The following TAFA5 variants were observed in gnomAD, a reference collection of about 807,000 sequenced individuals.
TAFA5 encodes TAFA chemokine like family member 5, also known as chemokine-like protein TAFA-5.
TAFA5 carries 6 observed loss-of-function variants against 15.3 expected under a neutral mutation model. That is an observed-to-expected ratio of 0.39 (90% CI 0.21 to 0.77). The LOEUF (loss-of-function observed/expected upper bound fraction) is 0.77, where lower values mean the gene tolerates loss of function less well. TAFA5 is among the 30% of genes least tolerant of loss of function. The probability of loss-of-function intolerance (pLI) is 0.41; values close to 1 mark genes in which losing one functional copy is unlikely to be tolerated. For synonymous variants in TAFA5, 103 were observed against 80.7 expected (o/e 1.28, Z -1.48); for missense variants, 161 against 193.1 (o/e 0.83, Z 0.98).
chr22:48,718,782 G>T (rs143698123), intron 3 of TAFA5, among the ~76,000 whole-genome samples: 1 of 151,866 alleles, frequency 6.6e-6, no homozygotes, highest in African/African-American at 2.4e-5. Context: ...CCAGTCCTCC[G>T]TGTGAGCCTC....
intron 1 of TAFA5, among the ~76,000 whole-genome samples, chr22:48,644,715 TATC>T (rs766019711): frequency 2.3e-4 from 35 of 152,186 alleles, no homozygotes; most frequent in Non-Finnish European, 4.6e-4. Context: ...CGTCTAAGGT[TATC>T]ATAGGAGAAA....
At chr22:48,514,048 C>T (rs1441552215) in intron 1 of TAFA5, among the ~76,000 whole-genome samples, 5 of 152,034 alleles carry the variant, frequency 3.3e-5, no homozygotes, top group Non-Finnish European at 4.4e-5. Flanking sequence ...GACTCCCCGT[C>T]TTGGGGCCAA....
intron 3 of TAFA5, among the ~76,000 whole-genome samples, chr22:48,711,524 A>T (rs185726857): frequency 1.3e-5 from 2 of 152,136 alleles, no homozygotes; most frequent in Non-Finnish European, 2.9e-5. Context: ...AAGCTTTCTG[A>T]AAAGGTTAGT....
intron 1 of TAFA5, among the ~76,000 whole-genome samples, chr22:48,578,859 GGA>G (rs1491355540): frequency 6.6e-6 from 1 of 152,114 alleles, no homozygotes; most frequent in Non-Finnish European, 1.5e-5. Flanking sequence ...AGAGGTGCAG[GGA>G]GGGGGGTGGC....
chr22:48,656,772 T>A lies in TAFA5; in HGVS notation c.262+10026T>A, dbSNP rs1483589934. Among the ~76,000 whole-genome samples the A allele has an allele frequency of 9.3e-4, 28 of 29,958 alleles. No individual in the cohort carries two copies. The South Asian group carries it at 0.027, about 29-fold the overall frequency. 19.7% of individuals were successfully genotyped at this position (29,958 alleles called of 152,430 possible). A position where few individuals can be genotyped will look rare whatever the true frequency, so the allele number is the denominator to read the frequency against. ...TGGAGTCTCTTTTTTTTTTTTTTTTTTTTTTTTTTGAAGATGGAGTCTCAC... is the reference window on the plus strand; with the variant it reads ...TGGAGTCTCTTTTTTTTTTTTTTTTATTTTTTTTTGAAGATGGAGTCTCAC... On this transcript the variant is annotated intron_variant, in intron 2 of 3. Transcript: ENST00000402357.
At chr22:48,595,137 C>T (rs1002649301) in intron 1 of TAFA5, among the ~76,000 whole-genome samples, 3 of 152,144 alleles carry the variant, frequency 2.0e-5, no homozygotes, top group Non-Finnish European at 4.4e-5. Flanking sequence ...CTGCTGTGCT[C>T]GTACCCCTGA....
intron 1 of TAFA5, among the ~76,000 whole-genome samples, chr22:48,546,127 G>A (rs890265546): frequency 6.6e-6 from 1 of 152,194 alleles, no homozygotes; most frequent in Non-Finnish European, 1.5e-5. Context: ...AGGTGGGCTC[G>A]CTGAGTCGGG....
intron 1 of TAFA5, among the ~76,000 whole-genome samples, chr22:48,625,112 C>A (rs1202735047): frequency 7.3e-6 from 1 of 136,804 alleles, no homozygotes; most frequent in African/African-American, 2.7e-5. Context: ...GAGACCCTGT[C>A]TTGAAAAAAA....
intron 1 of TAFA5, among the ~76,000 whole-genome samples, chr22:48,509,769 G>A (rs1269660156): frequency 6.6e-6 from 1 of 152,014 alleles, no homozygotes; most frequent in Admixed American, 6.6e-5. Flanking sequence ...GGCTAACATG[G>A]TGAAACCCCG....
chr22:48,507,996 G>A (rs944573012), intron 1 of TAFA5, among the ~76,000 whole-genome samples: 7 of 152,092 alleles, frequency 4.6e-5, no homozygotes, highest in South Asian at 2.1e-4. Flanking sequence ...CCCTAGAGCC[G>A]CCCGCATGCA....
At position 48,742,584 on chromosome 22, in the gene TAFA5, ATGGACCAGGCGACATGG is replaced by A. The variant is rs1045603723; in HGVS notation, c.391-7248_391-7232del. Among the ~76,000 whole-genome samples the A allele has an allele frequency of 6.3e-5, 9 of 142,916 alleles. No homozygotes were observed. The highest frequency in any genetic ancestry group is 2.4e-4 in the African/African-American group (9 of 37,750). 93.8% of individuals were successfully genotyped at this position (142,916 alleles called of 152,430 possible). A position where few individuals can be genotyped will look rare whatever the true frequency, so the allele number is the denominator to read the frequency against. On this transcript the variant is annotated intron_variant, in intron 3 of 3. Transcript: ENST00000402357. This position sits in a 1 kb window ranked among gnomAD's most constrained non-coding sequence, Gnocchi z 6.2. Reference sequence around the variant, plus strand: ...GCAACGTGGTAGACTGGGCAGCGTGATGGACCAGGCGACATGGTGGACCGGGCCGCATGGTGGACCAG... The same window carrying A: ...GCAACGTGGTAGACTGGGCAGCGTGATGGACCGGGCCGCATGGTGGACCAG...
intron 1 of TAFA5, among the ~76,000 whole-genome samples, chr22:48,565,563 A>T (rs1475735213): frequency 6.6e-6 from 1 of 152,130 alleles, no homozygotes; most frequent in Non-Finnish European, 1.5e-5. Flanking sequence ...GTTTTCCCCC[A>T]TCCATTGAAG....
intron 1 of TAFA5, among the ~76,000 whole-genome samples, chr22:48,619,167 C>T (rs559364921): frequency 2.0e-5 from 3 of 152,180 alleles, no homozygotes; most frequent in Admixed American, 6.5e-5. Context: ...AGTGCAGCCA[C>T]GACATGCCAC....
intron 1 of TAFA5, among the ~76,000 whole-genome samples, chr22:48,606,843 G>A (rs187665214): frequency 3.3e-5 from 5 of 152,324 alleles, no homozygotes; most frequent in South Asian, 2.1e-4. Flanking sequence ...GCTGTCAGAC[G>A]CTGGGGTTCT....
chr22:48,565,394 G>T (rs533956225), intron 1 of TAFA5, among the ~76,000 whole-genome samples: 30 of 152,354 alleles, frequency 2.0e-4, no homozygotes, highest in Middle Eastern at 3.4e-3. Context: ...AAGTGGCTGT[G>T]GGGTGATGCT....
chr22:48,498,775 C>G (rs1484310431), intron 1 of TAFA5, among the ~76,000 whole-genome samples: 1 of 152,190 alleles, frequency 6.6e-6, no homozygotes, highest in Non-Finnish European at 1.5e-5. Flanking sequence ...GTCTCTGGAC[C>G]TTGCCGCCTG....
chr22:48,512,936 A>T (rs1249680490), intron 1 of TAFA5, among the ~76,000 whole-genome samples: 1,859 of 148,034 alleles, frequency 0.013, 39 homozygotes, highest in African/African-American at 0.043. Context: ...AAAAAAAAAA[A>T]AAAAAAAAGA....
chr22:48,631,862 A>AG (rs1178838804), intron 1 of TAFA5, among the ~76,000 whole-genome samples: 5 of 152,162 alleles, frequency 3.3e-5, no homozygotes, highest in Admixed American at 2.0e-4. Flanking sequence ...CCTGGTCTAA[A>AG]GGCAACTTCT....
rs74846192 is a variant in TAFA5 at position 48,633,474 on chromosome 22, C to T, written c.113-13123C>T. ...CTCTCTTCCCCACCTCCCTCTCTCTCGAGCTCCCTGCTTTGCTCTGTGTCT... is the reference window on the plus strand; with the variant it reads ...CTCTCTTCCCCACCTCCCTCTCTCTTGAGCTCCCTGCTTTGCTCTGTGTCT... On this transcript the variant is annotated intron_variant, in intron 1 of 3. Transcript: ENST00000402357. Among the ~76,000 whole-genome samples the T allele has an allele frequency of 7.8e-3, 1,179 of 152,110 alleles. 15 individuals carry two copies. Among genetic ancestry groups the T allele is most frequent in the African/African-American group, 0.027 (1,133 of 41,432 alleles).
Sources: allele counts gnomAD v4.1 joint callset (sites outside exome capture counted in the v4.1 genomes callset), GRCh38; gene constraint gnomAD v4.1.1; non-coding constraint Gnocchi (gnomAD v3.1); transcripts MANE v1.5; gene names NCBI Gene and HGNC (gene_info 2026-07-23, HGNC 2026-07-21).